Variants in TMPRSS7 observed in about 807,000 individuals in gnomAD.
TMPRSS7 encodes the protein transmembrane protease serine 7.
TMPRSS7 carries 81 observed loss-of-function variants against 95.6 expected under a neutral mutation model. The observed-to-expected ratio is 0.85, with a 90% CI of 0.71 to 1.02. TMPRSS7 has a LOEUF of 1.02. TMPRSS7 is among the 50% of genes least tolerant of loss of function. The pLI is 0.00. For missense variants in TMPRSS7, 945 were observed against 955.2 expected (o/e 0.99, Z 0.14); for synonymous variants, 364 against 337.8 (o/e 1.08, Z -0.85).
intron 2 of TMPRSS7, among the ~76,000 whole-genome samples, chr3:112,039,909 G>A (rs979350400): frequency 2.3e-4 from 35 of 152,294 alleles, no homozygotes; most frequent in Middle Eastern, 3.4e-3. Flanking sequence ...GGGCAGTCTA[G>A]TAAGAATGTG....
exon 7 of TMPRSS7, chr3:112,047,897 G>T (rs190680217): frequency 6.2e-6 from 10 of 1,613,966 alleles, no homozygotes; most frequent in Middle Eastern, 1.7e-4. Flanking sequence ...AATCGAAGCC[G>T]ACAACTGTGT....
intron 12 of TMPRSS7, among the ~76,000 whole-genome samples, chr3:112,064,752 G>T (rs2073553832): frequency 6.6e-6 from 1 of 152,104 alleles, no homozygotes; most frequent in African/African-American, 2.4e-5. Flanking sequence ...TGGGGTAACT[G>T]GATATTCTTA....
chr3:112,054,447 G>T (rs1458136737), intron 9 of TMPRSS7, among the ~76,000 whole-genome samples: 1 of 152,180 alleles, frequency 6.6e-6, no homozygotes, highest in Non-Finnish European at 1.5e-5. Context: ...TGTCAAGCAG[G>T]TTAATATAAG....
At chr3:112,037,979 G>A (rs2463012) in intron 1 of TMPRSS7, 93 bp from the exon 2 acceptor site, 1 of 636,418 alleles carries the variant, frequency 1.6e-6, no homozygotes, top group Non-Finnish European at 2.8e-6. Context: ...TCATATTTAG[G>A]CCTTTTAGTA....
intron 2 of TMPRSS7, among the ~76,000 whole-genome samples, chr3:112,038,623 A>G (rs1329223392): frequency 7.0e-6 from 1 of 143,450 alleles, no homozygotes; most frequent in Non-Finnish European, 1.6e-5. Context: ...GGTCTATGCC[A>G]GCACACCTGG....
intron 9 of TMPRSS7, 86 bp from the exon 10 acceptor site, chr3:112,056,939 T>G: frequency 1.1e-6 from 1 of 896,500 alleles, no homozygotes; most frequent in Non-Finnish European, 1.7e-6. Context: ...GCAAGTAGAA[T>G]GGCCTTAAAA....
intron 3 of TMPRSS7, 109 bp from the exon 4 acceptor site, chr3:112,044,146 C>CTG: frequency 2.8e-6 from 2 of 706,186 alleles, no homozygotes; most frequent in Middle Eastern, 7.0e-4. Flanking sequence ...TATTTTGAGG[C>CTG]TTGCATTTCT....
Position 112,048,510 on chromosome 3 carries a change from T to C in TMPRSS7, c.959+543T>C, listed in dbSNP as rs144769576. 4.9e-4 allele frequency among the ~76,000 whole-genome samples: 75 copies of C among 152,354 alleles called. 1 individual carries two copies. The East Asian group carries it at 0.013, about 27-fold the overall frequency. On this transcript the variant is annotated intron_variant, in intron 7 of 17. Transcript: ENST00000452346. Reference sequence around the variant, plus strand: ...TAATTACACACACATATACATACCCTAGTATTTTTTACTTAATAGTAGATA... The same window carrying C: ...TAATTACACACACATATACATACCCCAGTATTTTTTACTTAATAGTAGATA...
chr3:112,048,536 T>C (rs1306670529), intron 7 of TMPRSS7, among the ~76,000 whole-genome samples: 1 of 152,224 alleles, frequency 6.6e-6, no homozygotes, highest in African/African-American at 2.4e-5. Flanking sequence ...ATAGTAGATA[T>C]TTATTTATGG....
chr3:112,044,439 T>G, intron 4 of TMPRSS7, 117 bp downstream of exon 4: 3 of 846,178 alleles, frequency 3.5e-6, no homozygotes, highest in Non-Finnish European at 5.8e-6. Flanking sequence ...TGGTTGGGGA[T>G]TCATACTGTA....
chr3:112,056,409 A>T (rs1030822699), intron 9 of TMPRSS7, among the ~76,000 whole-genome samples: 6 of 152,350 alleles, frequency 3.9e-5, no homozygotes, highest in African/African-American at 1.4e-4. Context: ...ACTTTGTCAT[A>T]TCAGACATAA....
chr3:112,067,593 T>C (rs933383659), intron 13 of TMPRSS7, among the ~76,000 whole-genome samples: 1 of 152,210 alleles, frequency 6.6e-6, no homozygotes, highest in African/African-American at 2.4e-5. Flanking sequence ...ATGATGAGCA[T>C]TTTTTCTTGT....
chr3:112,062,512 C>T (rs1255763975), intron 11 of TMPRSS7, among the ~76,000 whole-genome samples: 1 of 152,120 alleles, frequency 6.6e-6, no homozygotes, highest in Non-Finnish European at 1.5e-5. Flanking sequence ...AATCTTTGAC[C>T]CATCTTAAGA....
At chr3:112,054,577 G>A (rs1198323358) in intron 9 of TMPRSS7, among the ~76,000 whole-genome samples, 2 of 152,088 alleles carry the variant, frequency 1.3e-5, no homozygotes, top group Non-Finnish European at 1.5e-5. Flanking sequence ...GGATTGGAAG[G>A]TAGTGTTACA....
intron 7 of TMPRSS7, among the ~76,000 whole-genome samples, chr3:112,049,081 A>T (rs1364925350): frequency 6.6e-6 from 1 of 152,212 alleles, no homozygotes; most frequent in Non-Finnish European, 1.5e-5. Context: ...TCAGGTGGAA[A>T]GAGAAAGCAC....
chr3:112,052,473 TA>T (rs538788382), intron 9 of TMPRSS7, among the ~76,000 whole-genome samples: 3 of 151,010 alleles, frequency 2.0e-5, no homozygotes, highest in Admixed American at 1.3e-4. Context: ...TCCTTAAATT[TA>T]AAAAAAAATC....
chr3:112,051,516 TATC>T (rs934803568), intron 9 of TMPRSS7, among the ~76,000 whole-genome samples: 4 of 1,136 alleles, frequency 3.5e-3, no homozygotes, highest in African/African-American at 0.01. Context: ...GTATACGAAA[TATC>T]TATCTATCTA....
intron 17 of TMPRSS7, among the ~76,000 whole-genome samples, chr3:112,080,155 C>T (rs953084060): frequency 7.9e-5 from 12 of 152,166 alleles, no homozygotes; most frequent in African/African-American, 2.9e-4. Flanking sequence ...GCAAGATTAT[C>T]TACCCTCTAA....
chr3:112,063,743 T>C, intron 12 of TMPRSS7, 111 bp downstream of exon 12: 1 of 884,466 alleles, frequency 1.1e-6, no homozygotes, highest in South Asian at 1.5e-5. Context: ...TATTACTGCA[T>C]AACCAACTAC....
Sources: allele counts gnomAD v4.1 joint callset (sites outside exome capture counted in the v4.1 genomes callset), GRCh38; gene constraint gnomAD v4.1.1; transcripts MANE v1.5; gene names NCBI Gene and HGNC (gene_info 2026-07-23, HGNC 2026-07-21).